ZBTB46: variants seen among roughly 807,000 people sequenced by gnomAD.
ZBTB46 encodes zinc finger and BTB domain containing 46.
In ZBTB46, 8 loss-of-function variants were observed where a neutral mutation model predicts 44.1. The observed-to-expected ratio is 0.18, with a 90% CI of 0.11 to 0.33. The LOEUF is 0.33. ZBTB46 is among the 10% of genes least tolerant of loss of function. The pLI is 1.00. For missense variants in ZBTB46, 651 were observed against 847.7 expected (o/e 0.77, Z 2.88); for synonymous variants, 409 against 382.3 (o/e 1.07, Z -0.81).
At position 63,747,165 on chromosome 20, in the gene ZBTB46, G is replaced by A. The variant is rs2092100339; in HGVS notation, c.1535C>T (p.Pro512Leu). 1.2e-6 allele frequency: 2 copies of A among 1,609,682 alleles called. No homozygotes were observed. Among genetic ancestry groups the A allele is most frequent in the Admixed American group, 1.7e-5 (1 of 59,842 alleles). ...GCCGCCTCCGCCGCCATGGTCCAGGGGCCCGGCCATGCCGCGGCCAGCACA... is the reference window on the plus strand; with the variant it reads ...GCCGCCTCCGCCGCCATGGTCCAGGAGCCCGGCCATGCCGCGGCCAGCACA... ...TDCAGRGMAGPLDHGGGGGEG... is the reference protein window; with the variant it reads ...TDCAGRGMAGLLDHGGGGGEG... The change falls in exon 5 of 5, where the codon CCC becomes CTC. Residue 512 changes from proline (P) to leucine (L), a missense_variant. Coordinates refer to ENST00000245663, the MANE Select transcript of ZBTB46 (RefSeq NM_001369741.1).
chr20:63,779,642 G>A (rs1375798864), intron 2 of ZBTB46, among the ~76,000 whole-genome samples: 2 of 151,660 alleles, frequency 1.3e-5, no homozygotes, highest in Admixed American at 6.6e-5. Context: ...AGATGGTCTC[G>A]ATCTCTTGAC....
intron 3 of ZBTB46, among the ~76,000 whole-genome samples, chr20:63,754,625 A>C (rs897276506): frequency 1.4e-5 from 2 of 146,232 alleles, no homozygotes; most frequent in South Asian, 2.2e-4. Context: ...TTTTAGACGG[A>C]GTCTCACTCT....
intron 2 of ZBTB46, among the ~76,000 whole-genome samples, chr20:63,789,361 C>T (rs2092540884): frequency 6.6e-6 from 1 of 152,172 alleles, no homozygotes; most frequent in Non-Finnish European, 1.5e-5. Context: ...GGCAGAAGTC[C>T]AGGATGAAAA....
chr20:63,754,136 C>T (rs540730395), intron 3 of ZBTB46, among the ~76,000 whole-genome samples: 7 of 152,348 alleles, frequency 4.6e-5, no homozygotes, highest in African/African-American at 1.7e-4. Flanking sequence ...GGAGGCCCCG[C>T]CTGGCACGGC....
intron 3 of ZBTB46, among the ~76,000 whole-genome samples, chr20:63,761,611 GTC>G (rs1254464504): frequency 6.6e-6 from 1 of 151,898 alleles, no homozygotes; most frequent in Non-Finnish European, 1.5e-5. Flanking sequence ...GTGGAACTCT[GTC>G]TCTACTAAAA....
At chr20:63,751,470 AC>A (rs1255990339) in intron 4 of ZBTB46, among the ~76,000 whole-genome samples, 2 of 152,146 alleles carry the variant, frequency 1.3e-5, no homozygotes, top group Non-Finnish European at 2.9e-5. Flanking sequence ...GGCCAGGCAA[AC>A]ACGGGGAGGC....
At chr20:63,807,233 T>C (rs1170176855) in intron 1 of ZBTB46, among the ~76,000 whole-genome samples, 1 of 152,168 alleles carries the variant, frequency 6.6e-6, no homozygotes, top group Non-Finnish European at 1.5e-5. Flanking sequence ...GAAATTGACT[T>C]TTCTTTTTGG....
intron 1 of ZBTB46, among the ~76,000 whole-genome samples, chr20:63,802,529 C>T (rs957003641): frequency 2.0e-5 from 3 of 152,040 alleles, no homozygotes; most frequent in African/African-American, 7.2e-5. Flanking sequence ...CGGCGGAGGC[C>T]CCGGCAAGAG....
Position 63,746,739 on chromosome 20 carries a change from G to A in ZBTB46, c.*191C>T. 4.6e-6 allele frequency: 4 copies of A among 873,412 alleles called. No homozygotes were observed. Among genetic ancestry groups the A allele is most frequent in the South Asian group, 2.3e-5 (1 of 43,618 alleles). The allele number at this position is 873,412 out of a possible 1,614,324, so 54.1% of individuals were successfully genotyped here. A position where few individuals can be genotyped will look rare whatever the true frequency, so the allele number is the denominator to read the frequency against. ...CCAACTCACTTCATGTCTGGTCCCA[G>A]AGCACCCCTCTTGCTGGGGTCGCAC... On this transcript the variant is annotated 3_prime_UTR_variant, in exon 5 of 5. Transcript: ENST00000245663.
chr20:63,773,536 G>A (rs1444717896), intron 3 of ZBTB46, among the ~76,000 whole-genome samples: 2 of 152,114 alleles, frequency 1.3e-5, no homozygotes, highest in East Asian at 1.9e-4. Context: ...GAGTGTATAC[G>A]ACGGTCTGAG....
chr20:63,800,632 G>A (rs2092636531), intron 1 of ZBTB46, among the ~76,000 whole-genome samples: 2 of 152,222 alleles, frequency 1.3e-5, no homozygotes, highest in African/African-American at 4.8e-5. Context: ...GGGTGGGTGT[G>A]GGCTTGGCGG....
At chr20:63,777,040 G>A (rs1486310795) in intron 2 of ZBTB46, among the ~76,000 whole-genome samples, 4 of 140,806 alleles carry the variant, frequency 2.8e-5, no homozygotes, top group African/African-American at 8.1e-5. Context: ...CACACGCCAC[G>A]GTTCCACCAC....
intron 3 of ZBTB46, among the ~76,000 whole-genome samples, chr20:63,754,525 G>A (rs1057485353): frequency 3.9e-5 from 6 of 151,944 alleles, no homozygotes; most frequent in African/African-American, 1.5e-4. Flanking sequence ...TGAACTCCTG[G>A]GCTCAAGCGA....
At chr20:63,828,398 T>C in intron 1 of ZBTB46, among the ~76,000 whole-genome samples, 1 of 152,136 alleles carries the variant, frequency 6.6e-6, no homozygotes, top group East Asian at 1.9e-4. Flanking sequence ...TAATAGAGAT[T>C]TTGAATCAAA....
At chr20:63,819,635 G>A (rs1010309900) in intron 1 of ZBTB46, among the ~76,000 whole-genome samples, 2 of 152,140 alleles carry the variant, frequency 1.3e-5, no homozygotes, top group East Asian at 1.9e-4. Context: ...AGAGGTAAAC[G>A]GATTAAAACA....
At chr20:63,818,519 G>A (rs530755554) in intron 1 of ZBTB46, among the ~76,000 whole-genome samples, 8 of 152,258 alleles carry the variant, frequency 5.3e-5, no homozygotes, top group African/African-American at 1.2e-4. Context: ...CTGGGCACTC[G>A]CCATCTCTCC....
At chr20:63,810,795 C>T (rs774115809) in intron 1 of ZBTB46, among the ~76,000 whole-genome samples, 1 of 152,170 alleles carries the variant, frequency 6.6e-6, no homozygotes, top group Non-Finnish European at 1.5e-5. Context: ...AGAACGTGCC[C>T]ACCAGCACAG....
At chr20:63,772,144 G>A (rs1414769550) in intron 3 of ZBTB46, among the ~76,000 whole-genome samples, 5 of 151,686 alleles carry the variant, frequency 3.3e-5, no homozygotes, top group African/African-American at 7.3e-5. Flanking sequence ...ACAGGTGCCC[G>A]CCACCACACC....
In ZBTB46 at chr20:63,752,960, G is replaced by C; in HGVS notation, c.1223-99C>G. 7.3e-7 allele frequency: 1 copy of C among 1,364,778 alleles called. No individual in the cohort carries two copies. Among genetic ancestry groups the C allele is most frequent in the South Asian group, 1.4e-5 (1 of 69,174 alleles). 84.5% of individuals were successfully genotyped at this position (1,364,778 alleles called of 1,614,324 possible). A position where few individuals can be genotyped will look rare whatever the true frequency, so the allele number is the denominator to read the frequency against. ...CACGCCGCAGCCCAGCAGCCAGGAC[G>C]GGCTGTCTCCCACGGCCACCCACTG... is the stretch of plus-strand genomic sequence containing the variant. On this transcript the variant is annotated intron_variant, in intron 3 of 4. Transcript: ENST00000245663. The surrounding 1 kb of genome is among the most constrained non-coding windows in gnomAD (Gnocchi z 5.6).
Sources: allele counts gnomAD v4.1 joint callset (sites outside exome capture counted in the v4.1 genomes callset), GRCh38; gene constraint gnomAD v4.1.1; non-coding constraint Gnocchi (gnomAD v3.1); transcripts MANE v1.5; gene names NCBI Gene and HGNC (gene_info 2026-07-23, HGNC 2026-07-21).